SEC24A: variants seen among roughly 807,000 people sequenced by gnomAD.
SEC24A encodes protein transport protein Sec24A.
Under a neutral mutation model 129.4 loss-of-function variants are expected in SEC24A, and 93 were observed. The ratio of observed to expected loss-of-function variants is 0.72; its 90% confidence interval spans 0.61 to 0.85. The LOEUF (loss-of-function observed/expected upper bound fraction) is 0.85, where lower values mean the gene tolerates loss of function less well. Ranked by LOEUF, SEC24A falls within the 40% of genes least tolerant of loss-of-function variation. The pLI is 0.00. For missense variants in SEC24A, 1,264 were observed against 1,307.4 expected (o/e 0.97, Z 0.51); for synonymous variants, 460 against 467.3 (o/e 0.98, Z 0.20).
intron 16 of SEC24A, 106 bp downstream of exon 16, chr5:134,704,038 C>A (rs375985344): frequency 3.7e-6 from 2 of 542,810 alleles, no homozygotes; most frequent in South Asian, 3.7e-5. Flanking sequence ...TGTGTGCTAA[C>A]TTAAAATTGC....
chr5:134,693,984 T>G lies in SEC24A; in HGVS notation c.1986+51T>G, dbSNP rs771887065. ...AAGGTTTATGCTGGTGTTCCATCCC[T>G]GTGACCATAGAACTTGTTTTTTCTT... On this transcript the variant is annotated intron_variant, in intron 13 of 22. Transcript: ENST00000398844. The G allele has an allele frequency of 4.1e-6, 6 of 1,469,788 alleles. No homozygotes were observed. The Admixed American group carries it at 1.1e-4, about 26-fold the overall frequency. The allele number at this position is 1,469,788 out of a possible 1,614,324, so 91.0% of individuals were successfully genotyped here.
chr5:134,667,610 C>T (rs918884182), intron 3 of SEC24A, among the ~76,000 whole-genome samples: 9 of 146,046 alleles, frequency 6.2e-5, no homozygotes, highest in Admixed American at 1.4e-4. Context: ...GCCGAGATTG[C>T]GCCACTGCAC....
At chr5:134,722,580 G>A (rs776295732) in intron 21 of SEC24A, among the ~76,000 whole-genome samples, 2 of 151,740 alleles carry the variant, frequency 1.3e-5, no homozygotes, top group South Asian at 2.1e-4. Context: ...CAACAAGAGC[G>A]AAACTCTGTC....
intron 12 of SEC24A, 109 bp from the exon 13 acceptor site, chr5:134,693,607 GTCTGTAGATTC>G: frequency 6.9e-7 from 1 of 1,451,984 alleles, no homozygotes; most frequent in Non-Finnish European, 9.0e-7. Context: ...ATTGTTTAGT[GTCTGTAGATTC>G]TCTGACCATC....
intron 13 of SEC24A, among the ~76,000 whole-genome samples, chr5:134,696,729 C>T (rs1751837438): frequency 6.6e-6 from 1 of 151,652 alleles, no homozygotes; most frequent in Non-Finnish European, 1.5e-5. Context: ...CGATCTCCGG[C>T]CCTCGTGATC....
At chr5:134,680,800 T>C (rs1370556265) in intron 8 of SEC24A, among the ~76,000 whole-genome samples, 1 of 152,094 alleles carries the variant, frequency 6.6e-6, no homozygotes, top group Non-Finnish European at 1.5e-5. Flanking sequence ...CCAAGAGTTT[T>C]TAAAAACCAG....
chr5:134,692,930 T>G, intron 12 of SEC24A: 1 of 927,494 alleles, frequency 1.1e-6, no homozygotes, highest in South Asian at 1.4e-5. Flanking sequence ...TTGTCAGCCA[T>G]TTGGGAAGTT....
intron 15 of SEC24A, among the ~76,000 whole-genome samples, chr5:134,702,301 C>T (rs1380814780): frequency 1.3e-5 from 2 of 152,160 alleles, no homozygotes; most frequent in African/African-American, 2.4e-5. Flanking sequence ...AGGCACATGC[C>T]ACCATGCCCA....
Position 134,661,486 on chromosome 5 carries a change from A to T in SEC24A, c.465A>T (p.Ala155=). The change falls in exon 2 of 23, where the codon GCA becomes GCT. Residue 155 remains alanine, a synonymous_variant. Coordinates refer to ENST00000398844, the MANE Select transcript of SEC24A (RefSeq NM_021982.3). ...TASQTNHCPR[A]SSQPTVSGNT... ...CACAAACAAACCATTGTCCTCGTGC[A>T]TCATCCCAACCAACTGTATCTGGAA... The T allele has an allele frequency of 1.2e-6, 2 of 1,614,230 alleles. No individual in the cohort carries two copies. The highest frequency in any genetic ancestry group is 8.5e-7 in the Non-Finnish European group (1 of 1,180,036).
At chr5:134,717,749 C>G (rs1752519048) in intron 19 of SEC24A, among the ~76,000 whole-genome samples, 3 of 151,490 alleles carry the variant, frequency 2.0e-5, no homozygotes, top group Admixed American at 2.0e-4. Context: ...AACTCCGTCT[C>G]TACTAAAAAT....
intron 6 of SEC24A, among the ~76,000 whole-genome samples, 191 bp downstream of exon 6, chr5:134,675,408 A>G (rs1195186395): frequency 6.6e-6 from 1 of 152,070 alleles, no homozygotes; most frequent in Non-Finnish European, 1.5e-5. Flanking sequence ...TAGGGATGTA[A>G]CTCCTGAAGT....
At chr5:134,724,355 G>A (rs1179120404) in intron 22 of SEC24A, among the ~76,000 whole-genome samples, 6 of 152,114 alleles carry the variant, frequency 3.9e-5, no homozygotes, top group Non-Finnish European at 7.4e-5. Context: ...TTGAGAGGTC[G>A]AGGCGGGCAG....
intron 1 of SEC24A, among the ~76,000 whole-genome samples, chr5:134,656,169 G>A (rs1424181814): frequency 6.7e-6 from 1 of 148,336 alleles, no homozygotes; most frequent in Non-Finnish European, 1.5e-5. Context: ...TGCAACCTTT[G>A]CCTCCTGGGT....
In SEC24A at chr5:134,723,817, A is replaced by C. The variant is rs17165399; in HGVS notation, c.3167+147A>C. 736 of 577,314 alleles carry C rather than the reference A, an allele frequency of 1.3e-3. 4 individuals carry two copies. The highest frequency in any genetic ancestry group is 0.012 in the African/African-American group (631 of 53,330). 35.8% of individuals were successfully genotyped at this position (577,314 alleles called of 1,614,324 possible). A position where few individuals can be genotyped will look rare whatever the true frequency, so the allele number is the denominator to read the frequency against. On this transcript the variant is annotated intron_variant, in intron 22 of 22. Transcript: ENST00000398844. ...ATCATACCTTATATCCAATGATTGG[A>C]AATACAGAACTTTTTTCATTTTTAA...
chr5:134,678,827 G>A (rs573062263), intron 7 of SEC24A, among the ~76,000 whole-genome samples: 11 of 152,032 alleles, frequency 7.2e-5, no homozygotes, highest in South Asian at 2.1e-4. Flanking sequence ...CGTTCCACCC[G>A]CCTTGGCCTC....
chr5:134,701,776 TGGG>T (rs1752015790), intron 15 of SEC24A, among the ~76,000 whole-genome samples: 1 of 152,190 alleles, frequency 6.6e-6, no homozygotes, highest in Non-Finnish European at 1.5e-5. Flanking sequence ...CCCAAAGTGC[TGGG>T]ATTACAGGTG....
rs559305453 is a variant in SEC24A, at chr5:134,649,313, A to G, written c.97+140A>G. ...GCGGATGGTGGTGGGCGGCTGGGCC[A>G]GGGGACCACGGCAGTTGTGCACCTG... On this transcript the variant is annotated intron_variant, in intron 1 of 22. Transcript: ENST00000398844. The G allele has an allele frequency of 1.8e-5, 10 of 544,904 alleles. No individual in the cohort carries two copies. In the South Asian group the frequency reaches 2.3e-4, roughly 12 times the overall value. 33.8% of individuals were successfully genotyped at this position (544,904 alleles called of 1,614,324 possible). A position where few individuals can be genotyped will look rare whatever the true frequency, so the allele number is the denominator to read the frequency against.
In SEC24A at chr5:134,658,006, C is replaced by T. The variant is rs1472457047; in HGVS notation, c.98-3113C>T. Among the ~76,000 whole-genome samples the T allele has an allele frequency of 4.6e-5, 7 of 152,162 alleles. No individual in the cohort carries two copies. In the East Asian group the frequency reaches 7.7e-4, roughly 17 times the overall value. On this transcript the variant is annotated intron_variant, in intron 1 of 22. Coordinates refer to ENST00000398844, the MANE Select transcript of SEC24A (RefSeq NM_021982.3). ...ACATATGGCTGGGCATGGTGGCTCA[C>T]GCCTGTAATCCCAGCACTTTGGGAG...
At chr5:134,715,198 A>T (rs1752441954) in intron 19 of SEC24A, 37 bp downstream of exon 19, 1 of 1,564,636 alleles carries the variant, frequency 6.4e-7, no homozygotes, top group Admixed American at 1.8e-5. Context: ...TTACTTGAAG[A>T]TTAGTAAGCC....
Sources: allele counts gnomAD v4.1 joint callset (sites outside exome capture counted in the v4.1 genomes callset), GRCh38; gene constraint gnomAD v4.1.1; transcripts MANE v1.5; gene names NCBI Gene and HGNC (gene_info 2026-07-23, HGNC 2026-07-21).